The following CD8A variants were observed in gnomAD, a reference collection of about 807,000 sequenced individuals.
CD8A encodes the protein T-cell surface glycoprotein CD8 alpha chain.
Under a neutral mutation model 24.2 loss-of-function variants are expected in CD8A, and 25 were observed. That is an observed-to-expected ratio of 1.03 (90% CI 0.75 to 1.44). CD8A has a LOEUF of 1.44. Among genes scored for constraint, CD8A ranks in the 40% most tolerant of loss-of-function variants. The probability of loss-of-function intolerance (pLI) is 0.00; values close to 1 mark genes in which losing one functional copy is unlikely to be tolerated. For missense variants in CD8A, 360 were observed against 319.7 expected (o/e 1.13, Z -0.96); for synonymous variants, 165 against 149.9 (o/e 1.10, Z -0.74).
intron 3 of CD8A, among the ~76,000 whole-genome samples, chr2:86,797,944 A>G (rs926983298): frequency 1.6e-4 from 24 of 152,198 alleles, no homozygotes; most frequent in Non-Finnish European, 3.2e-4. Context: ...GAGCTGAGAG[A>G]GAAGGATGCC....
At chr2:86,797,964 A>G (rs935199863) in intron 3 of CD8A, among the ~76,000 whole-genome samples, 7 of 152,168 alleles carry the variant, frequency 4.6e-5, no homozygotes, top group African/African-American at 1.7e-4. Context: ...CGAATGTCCA[A>G]TGAGTGTGGA....
At chr2:86,790,979 G>A (rs1044151528), upstream of CD8A, 2 of 791,406 alleles carry the variant, frequency 2.5e-6, no homozygotes, top group Non-Finnish European at 4.3e-6. Context: ...CGAAGCCCCC[G>A]CCGAGGAGAG....
intron 2 of CD8A, among the ~76,000 whole-genome samples, chr2:86,804,696 C>T (rs531830076): frequency 2.0e-5 from 3 of 151,502 alleles, no homozygotes; most frequent in Admixed American, 2.0e-4. Context: ...GCCTCCAACT[C>T]TTGAGCCCCC....
chr2:86,789,610 G>A, intron 3 of CD8A, 30 bp downstream of exon 3: 2 of 1,443,360 alleles, frequency 1.4e-6, no homozygotes, highest in Non-Finnish European at 1.9e-6. Flanking sequence ...GGTGCGTGCC[G>A]CCCCCGCCCC....
chr2:86,788,687 G>A, intron 4 of CD8A, 127 bp from the exon 5 acceptor site: 1 of 816,314 alleles, frequency 1.2e-6, no homozygotes, highest in Non-Finnish European at 2.1e-6. Flanking sequence ...AATCATTTCA[G>A]AACGATCATG....
At chr2:86,795,980 GA>G (rs1673471877) in intron 3 of CD8A, among the ~76,000 whole-genome samples, 1 of 151,996 alleles carries the variant, frequency 6.6e-6, no homozygotes, top group African/African-American at 2.4e-5. Context: ...TGAACAATTT[GA>G]AAAATGTTTA....
Position 86,789,327 on chromosome 2 carries a change from G to T in CD8A, c.621C>A (p.Asn207Lys). Residue 207 changes from asparagine (N) to lysine (K), a missense_variant, in exon 4 of 6, where the codon AAC becomes AAA. Coordinates refer to ENST00000283635, the MANE Select transcript of CD8A (RefSeq NM_001768.7). ...CCGCGATTCCTCGGGACTTACTGTG[G>T]TTGCAGTAAAGGGTGATAACCAGTG... ...LLSLVITLYC[N>K]HRNRRRVCKC... 1 of 1,591,042 alleles carries T rather than the reference G, an allele frequency of 6.3e-7. No homozygotes were observed. The highest frequency in any genetic ancestry group is 8.6e-7 in the Non-Finnish European group (1 of 1,158,720).
At chr2:86,793,717 C>T (rs577192761), upstream of CD8A, among the ~76,000 whole-genome samples, 12 of 152,226 alleles carry the variant, frequency 7.9e-5, no homozygotes, top group East Asian at 1.9e-4. Flanking sequence ...AGTCAACCTC[C>T]ACCTATTTGG....
chr2:86,803,448 T>C (rs1052892988), intron 2 of CD8A, among the ~76,000 whole-genome samples: 3 of 152,166 alleles, frequency 2.0e-5, no homozygotes, highest in Non-Finnish European at 4.4e-5. Context: ...AAGGAGGAGA[T>C]AGCATTTGCC....
In CD8A at chr2:86,790,862, G is replaced by C. The variant is rs1045371693; in HGVS notation, c.-37C>G. ...CAGGACGCTGCTTGGCTCGAAGCTC[G>C]GGCGCGAGGGGAGGCGCGCGGGAGC... On this transcript the variant is annotated 5_prime_UTR_variant, in exon 1 of 6. Coordinates refer to ENST00000283635, the MANE Select transcript of CD8A (RefSeq NM_001768.7). 2.0e-6 allele frequency: 3 copies of C among 1,534,244 alleles called. No homozygotes were observed. The highest frequency in any genetic ancestry group is 1.2e-5 in the South Asian group (1 of 84,022).
chr2:86,790,042 C>G (rs1299034997), intron 2 of CD8A, among the ~76,000 whole-genome samples: 1 of 152,212 alleles, frequency 6.6e-6, no homozygotes, highest in Non-Finnish European at 1.5e-5. Flanking sequence ...TGATTGCTGT[C>G]CGCATTTTAC....
upstream of CD8A, chr2:86,790,923 G>A (rs1286696703): frequency 1.5e-5 from 18 of 1,174,898 alleles, no homozygotes; most frequent in South Asian, 5.2e-5. Context: ...TGCGCCCTTC[G>A]GCCGGCCCGG....
upstream of CD8A, among the ~76,000 whole-genome samples, chr2:86,792,004 A>C (rs1305270053): frequency 1.3e-5 from 2 of 152,156 alleles, no homozygotes. Flanking sequence ...TGTCCCTAAC[A>C]CATGTGTGTC....
rs756613765 is a variant in CD8A, at chr2:86,789,453, C to G, written c.515-20G>C. The G allele has an allele frequency of 1.9e-6, 3 of 1,581,010 alleles. No individual in the cohort carries two copies. Among genetic ancestry groups the G allele is most frequent in the South Asian group, 2.2e-5 (2 of 90,454 alleles). ...TGTGCACTGACGACACCAAAGACGC[C>G]GACATTTAGGAGAGGGCCCGGGACC... On this transcript the variant is annotated intron_variant, in intron 3 of 5. Transcript: ENST00000283635.
At chr2:86,789,462 G>T (rs1673171106) in intron 3 of CD8A, 29 bp from the exon 4 acceptor site, 1 of 1,555,408 alleles carries the variant, frequency 6.4e-7, no homozygotes, top group Non-Finnish European at 8.9e-7. Context: ...CCGACATTTA[G>T]GAGAGGGCCC....
chr2:86,793,224 A>C (rs1380930993), upstream of CD8A, among the ~76,000 whole-genome samples: 1 of 152,214 alleles, frequency 6.6e-6, no homozygotes, highest in Non-Finnish European at 1.5e-5. Flanking sequence ...GTGTTCCATA[A>C]TTTAATTCTG....
At chr2:86,792,694 C>T (rs1479763685), upstream of CD8A, among the ~76,000 whole-genome samples, 1 of 152,074 alleles carries the variant, frequency 6.6e-6, no homozygotes, top group East Asian at 1.9e-4. Flanking sequence ...TGGGGTTTCA[C>T]CATGTTGCCC....
intron 2 of CD8A, among the ~76,000 whole-genome samples, chr2:86,804,607 G>C (rs1367105085): frequency 6.6e-6 from 1 of 151,890 alleles, no homozygotes; most frequent in Non-Finnish European, 1.5e-5. Context: ...CAATAAATTA[G>C]TATTATTATT....
upstream of CD8A, among the ~76,000 whole-genome samples, chr2:86,793,968 A>AT (rs1365571714): frequency 6.6e-6 from 1 of 152,034 alleles, no homozygotes; most frequent in African/African-American, 2.4e-5. Flanking sequence ...CCCCAGTGAT[A>AT]TTTTTTGCAG....
Sources: allele counts gnomAD v4.1 joint callset (sites outside exome capture counted in the v4.1 genomes callset), GRCh38; gene constraint gnomAD v4.1.1; transcripts MANE v1.5; gene names NCBI Gene and HGNC (gene_info 2026-07-23, HGNC 2026-07-21).